CUTC: variants seen among roughly 807,000 people sequenced by gnomAD.
CUTC encodes the protein copper homeostasis protein cutC homolog.
Under a neutral mutation model 36.2 loss-of-function variants are expected in CUTC, and 27 were observed. The ratio of observed to expected loss-of-function variants is 0.75; its 90% confidence interval spans 0.55 to 1.03. The LOEUF is 1.03. Among genes scored for constraint, CUTC ranks in the 50% least tolerant of loss-of-function variants. CUTC has a pLI of 0.00. For missense variants in CUTC, 315 were observed against 343.5 expected, an observed-to-expected ratio of 0.92 and a Z score of 0.66; for synonymous variants, 114 against 118.3, an observed-to-expected ratio of 0.96 and a Z score of 0.24.
rs372952222 is a variant in CUTC, at chr10:99,754,591, C to T, written c.664C>T (p.His222Tyr). ...TGAGGGTTCAGGTGCTACAGAATTC[C>T]ACTGTTCTGCTCGGTCTACTAGAGA... ...ILEGSGATEFHCSARSTRDSG... is the reference protein window; with the variant it reads ...ILEGSGATEFYCSARSTRDSG... The change falls in exon 8 of 9, where the codon CAC (histidine) becomes TAC (tyrosine). Residue 222 changes from histidine to tyrosine, a missense_variant. By Grantham distance (83) the His-to-Tyr change is moderately conservative. Coordinates refer to ENST00000370476, the MANE Select transcript of CUTC (RefSeq NM_015960.3). 1 of 1,613,698 alleles carries T rather than the reference C, an allele frequency of 6.2e-7. No homozygotes were observed. Among genetic ancestry groups the T allele is most frequent in the Non-Finnish European group, 8.5e-7 (1 of 1,179,740 alleles).
intron 5 of CUTC, among the ~76,000 whole-genome samples, chr10:99,745,111 C>T (rs112740228): frequency 0.011 from 1,718 of 152,296 alleles, 15 homozygotes; most frequent in African/African-American, 0.014. Flanking sequence ...AATGGAAGAA[C>T]AAGTATCTAT....
chr10:99,736,465 A>G (rs2037298030), intron 2 of CUTC, 148 bp downstream of exon 2: 1 of 611,274 alleles, frequency 1.6e-6, no homozygotes, highest in South Asian at 2.1e-5. Flanking sequence ...CCTACTGGAA[A>G]ATTATGATCT....
intron 2 of CUTC, 117 bp downstream of exon 2, chr10:99,736,434 C>A: frequency 1.4e-6 from 1 of 692,290 alleles, no homozygotes; most frequent in Non-Finnish European, 2.5e-6. Flanking sequence ...ATAATGCTTT[C>A]AGAAACAACC....
At chr10:99,755,578 C>A in intron 8 of CUTC, 47 bp from the exon 9 acceptor site, 3 of 1,238,866 alleles carry the variant, frequency 2.4e-6, no homozygotes, top group Non-Finnish European at 3.5e-6. Context: ...AGTAGGAGGG[C>A]CCATTTAATA....
At chr10:99,755,521 A>G in intron 8 of CUTC, 104 bp from the exon 9 acceptor site, 1 of 700,288 alleles carries the variant, frequency 1.4e-6, no homozygotes, top group Non-Finnish European at 2.5e-6. Flanking sequence ...AGTCCAGCAT[A>G]CTTGACCTAC....
At chr10:99,752,985 A>G (rs1590123067) in intron 7 of CUTC, among the ~76,000 whole-genome samples, 1 of 152,200 alleles carries the variant, frequency 6.6e-6, no homozygotes, top group Non-Finnish European at 1.5e-5. Context: ...TGAGAAATAT[A>G]AAGAGGTAGT....
At chr10:99,749,557 G>A (rs1160362377) in intron 6 of CUTC, among the ~76,000 whole-genome samples, 1 of 151,808 alleles carries the variant, frequency 6.6e-6, no homozygotes, top group African/African-American at 2.4e-5. Context: ...TCTATGTTTT[G>A]GAAAGCCTTG....
chr10:99,733,118 G>C (rs529897863), intron 1 of CUTC, among the ~76,000 whole-genome samples: 158 of 152,248 alleles, frequency 1.0e-3, no homozygotes, highest in African/African-American at 3.5e-3. Flanking sequence ...AGACCAGCCT[G>C]GCCAGCATGG....
rs753481863 is a variant in CUTC, at chr10:99,755,693, C to T, written c.776C>T (p.Thr259Ile). The change falls in exon 9 of 9, where the codon ACC becomes ATC. Residue 259 changes from threonine to isoleucine, a missense_variant. Transcript: ENST00000370476. ...TATTCCCTAAAGGTAACAGATGTGA[C>T]CAAAGTAAGGACTTTGAATGCTATC... The part of the protein sequence containing the change: ...SEYSLKVTDV[T>I]KVRTLNAIAK... 3.7e-6 allele frequency: 6 copies of T among 1,613,928 alleles called. No individual in the cohort carries two copies. The highest frequency in any genetic ancestry group is 5.1e-6 in the Non-Finnish European group (6 of 1,179,882).
chr10:99,732,968 C>A (rs2037234439), intron 1 of CUTC, among the ~76,000 whole-genome samples: 1 of 152,120 alleles, frequency 6.6e-6, no homozygotes, highest in African/African-American at 2.4e-5. Flanking sequence ...TGAAGAGGAA[C>A]CTTCCTAAAA....
At chr10:99,734,326 C>A (rs2037274014) in intron 1 of CUTC, among the ~76,000 whole-genome samples, 1 of 152,138 alleles carries the variant, frequency 6.6e-6, no homozygotes, top group Non-Finnish European at 1.5e-5. Context: ...CTTGGCCTCC[C>A]AAAGTACTGG....
intron 1 of CUTC, among the ~76,000 whole-genome samples, chr10:99,735,844 A>T (rs182799444): frequency 1.3e-5 from 2 of 152,322 alleles, no homozygotes; most frequent in African/African-American, 4.8e-5. Context: ...AGGATCTCAC[A>T]CTAAATAGTT....
intron 8 of CUTC, 60 bp downstream of exon 8, chr10:99,754,694 A>C (rs1404831581): frequency 1.6e-6 from 2 of 1,267,138 alleles, no homozygotes; most frequent in Admixed American, 1.8e-5. Context: ...CTTTCTCCCA[A>C]ATAGAAAAAC....
chr10:99,750,300 T>A, intron 6 of CUTC, 69 bp from the exon 7 acceptor site: 1 of 1,172,092 alleles, frequency 8.5e-7, no homozygotes, highest in Non-Finnish European at 1.2e-6. Flanking sequence ...GTTTCTATTC[T>A]CACTGCCTTA....
At chr10:99,733,404 AAAAG>A (rs1207674773) in intron 1 of CUTC, among the ~76,000 whole-genome samples, 1 of 152,210 alleles carries the variant, frequency 6.6e-6, no homozygotes, top group Non-Finnish European at 1.5e-5. Context: ...ATTTTTTTGA[AAAAG>A]AAATATTCCT....
chr10:99,737,511 G>A (rs2037306591), intron 2 of CUTC, among the ~76,000 whole-genome samples: 1 of 152,076 alleles, frequency 6.6e-6, no homozygotes. Context: ...ACTGCTAAAG[G>A]GTGTAGGGTT....
Position 99,755,612 on chromosome 10 carries a change from A to G in CUTC, c.708-13A>G. On this transcript the variant is annotated splice_polypyrimidine_tract_variant and intron_variant, in intron 8 of 8. Coordinates refer to ENST00000370476, the MANE Select transcript of CUTC (RefSeq NM_015960.3). ...TAACATAATTATCTGTTCCTTTATT[A>G]TTTCTGTTACAGAAATTCATCTGTT... 1.9e-6 allele frequency: 3 copies of G among 1,544,922 alleles called. No individual in the cohort carries two copies. Among genetic ancestry groups the G allele is most frequent in the Non-Finnish European group, 2.7e-6 (3 of 1,118,338 alleles).
At chr10:99,742,597 A>G (rs2037349428) in intron 3 of CUTC, among the ~76,000 whole-genome samples, 1 of 151,966 alleles carries the variant, frequency 6.6e-6, no homozygotes, top group African/African-American at 2.4e-5. Context: ...TATACTATTG[A>G]TGGTTTATGA....
chr10:99,740,472 T>G (rs768203714), intron 3 of CUTC, among the ~76,000 whole-genome samples: 5 of 152,134 alleles, frequency 3.3e-5, no homozygotes, highest in Non-Finnish European at 7.4e-5. Flanking sequence ...CATTGTCGTC[T>G]TGCTTGTATT....
Sources: gnomAD v4.1 joint callset for allele counts (sites outside exome capture counted in the v4.1 genomes callset) on GRCh38, gnomAD v4.1.1 for gene constraint, MANE v1.5 for transcripts, NCBI Gene and HGNC (gene_info 2026-07-23, HGNC 2026-07-21) for gene names.